STRN: variants seen among roughly 807,000 people sequenced by gnomAD.
The protein encoded by STRN is striatin.
In STRN, 53 loss-of-function variants were observed where a neutral mutation model predicts 96.3. That is an observed-to-expected ratio of 0.55 (90% CI 0.44 to 0.69). STRN has a LOEUF of 0.69. STRN is among the 30% of genes least tolerant of loss of function. STRN has a pLI of 0.00. For missense variants in STRN, 987 were observed against 963.9 expected (o/e 1.02, Z -0.32); for synonymous variants, 428 against 355.9 (o/e 1.20, Z -2.28).
intron 6 of STRN, among the ~76,000 whole-genome samples, chr2:36,899,190 T>C (rs1669619376): frequency 6.6e-6 from 1 of 152,332 alleles, no homozygotes; most frequent in African/African-American, 2.4e-5. Flanking sequence ...TCAGGCACCA[T>C]GATGTGTCTG....
chr2:36,913,628 T>A (rs977730211), intron 3 of STRN, among the ~76,000 whole-genome samples: 4 of 152,192 alleles, frequency 2.6e-5, no homozygotes, highest in Non-Finnish European at 4.4e-5. Context: ...ATCTTCCCTA[T>A]AAAAATCCAA....
At chr2:36,929,906 A>G (rs566165036) in intron 1 of STRN, among the ~76,000 whole-genome samples, 53 of 152,358 alleles carry the variant, frequency 3.5e-4, no homozygotes, top group African/African-American at 1.3e-3. Flanking sequence ...TAAGGTTCTC[A>G]TCTTTTGATT....
chr2:36,924,835 T>C (rs764842247), intron 2 of STRN, among the ~76,000 whole-genome samples: 3 of 152,210 alleles, frequency 2.0e-5, no homozygotes, highest in Non-Finnish European at 4.4e-5. Context: ...GGTGGGCAGA[T>C]CACCTGAGGT....
chr2:36,874,472 T>C (rs1350084797), intron 10 of STRN, among the ~76,000 whole-genome samples: 4 of 152,028 alleles, frequency 2.6e-5, no homozygotes, highest in African/African-American at 9.6e-5. Flanking sequence ...AGAGAGGTGC[T>C]AGAGTGGTAC....
intron 1 of STRN, among the ~76,000 whole-genome samples, chr2:36,927,532 G>GC (rs1039426273): frequency 1.4e-5 from 2 of 145,462 alleles, no homozygotes; most frequent in African/African-American, 5.0e-5. Flanking sequence ...AAAGGGGGGG[G>GC]GGGGTGGTAA....
At chr2:36,882,298 A>AT (rs1669093160) in intron 9 of STRN, among the ~76,000 whole-genome samples, 1 of 152,216 alleles carries the variant, frequency 6.6e-6, no homozygotes, top group South Asian at 2.1e-4. Context: ...TAAATTCAGA[A>AT]TTTTTTAAAT....
intron 6 of STRN, 115 bp from the exon 7 acceptor site, chr2:36,894,148 C>T: frequency 1.8e-6 from 2 of 1,140,436 alleles, no homozygotes; most frequent in Non-Finnish European, 2.4e-6. Context: ...AATAACTGTA[C>T]TACCTAACTC....
At chr2:36,864,382 C>G (rs747932514) in intron 12 of STRN, among the ~76,000 whole-genome samples, 1 of 152,122 alleles carries the variant, frequency 6.6e-6, no homozygotes, top group Non-Finnish European at 1.5e-5. Flanking sequence ...TGAATTTTAT[C>G]GAAAGCCTTT....
At chr2:36,941,043 C>T (rs889308051) in intron 1 of STRN, among the ~76,000 whole-genome samples, 1 of 151,892 alleles carries the variant, frequency 6.6e-6, no homozygotes, top group Non-Finnish European at 1.5e-5. Context: ...GGCCCAGCTA[C>T]TTAGGGAGGC....
chr2:36,956,106 C>G (rs1664881054), intron 1 of STRN, among the ~76,000 whole-genome samples: 1 of 152,108 alleles, frequency 6.6e-6, no homozygotes. Flanking sequence ...GATGCTCAAC[C>G]TGTACTTACA....
chr2:36,952,912 C>T (rs1373411801), intron 1 of STRN, among the ~76,000 whole-genome samples: 2 of 152,182 alleles, frequency 1.3e-5, no homozygotes, highest in African/African-American at 4.8e-5. Flanking sequence ...AGCTCTTTTG[C>T]TCAATGGTTA....
At chr2:36,865,173 T>C (rs946736057) in intron 12 of STRN, among the ~76,000 whole-genome samples, 1 of 152,262 alleles carries the variant, frequency 6.6e-6, no homozygotes, top group Non-Finnish European at 1.5e-5. Flanking sequence ...TATTGGTCTG[T>C]TCACAATTAG....
At chr2:36,892,962 G>C (rs1321467923) in intron 7 of STRN, among the ~76,000 whole-genome samples, 1 of 152,112 alleles carries the variant, frequency 6.6e-6, no homozygotes. Context: ...GGAAGTTGCA[G>C]TGAGCCAGGA....
At chr2:36,910,210 A>G (rs368345680) in intron 3 of STRN, among the ~76,000 whole-genome samples, 2 of 152,046 alleles carry the variant, frequency 1.3e-5, no homozygotes, top group Admixed American at 6.6e-5. Flanking sequence ...TCAGACATAC[A>G]TAAGCTGCAA....
intron 1 of STRN, among the ~76,000 whole-genome samples, chr2:36,926,230 A>C (rs1670405195): frequency 6.6e-6 from 1 of 152,244 alleles, no homozygotes; most frequent in African/African-American, 2.4e-5. Context: ...GCTCTCCAGA[A>C]TATTAAAAGA....
chr2:36,883,891 T>A, intron 9 of STRN, 41 bp downstream of exon 9: 1 of 1,314,090 alleles, frequency 7.6e-7, no homozygotes, highest in Non-Finnish European at 9.8e-7. Context: ...AAGATATACA[T>A]CCAAGTGCAT....
chr2:36,901,961 T>C (rs1408687325), intron 5 of STRN, among the ~76,000 whole-genome samples: 6 of 152,342 alleles, frequency 3.9e-5, no homozygotes, highest in Non-Finnish European at 1.5e-5. Context: ...TTTTGGCTTT[T>C]TATTCAATTA....
chr2:36,890,947 A>G (rs1169260163), intron 7 of STRN, among the ~76,000 whole-genome samples: 4 of 152,134 alleles, frequency 2.6e-5, no homozygotes. Context: ...AAAATAATAC[A>G]CTACAGGTGA....
At chr2:36,873,736 A>G (rs540832706) in intron 10 of STRN, among the ~76,000 whole-genome samples, 2 of 148,280 alleles carry the variant, frequency 1.3e-5, no homozygotes, top group Middle Eastern at 3.8e-3. Flanking sequence ...TGAGGTCAGG[A>G]GATTGAGACC....
Sources: allele counts gnomAD v4.1 joint callset (sites outside exome capture counted in the v4.1 genomes callset), GRCh38; gene constraint gnomAD v4.1.1; transcripts MANE v1.5; gene names NCBI Gene and HGNC (gene_info 2026-07-23, HGNC 2026-07-21).